MYO9B: variants seen among roughly 807,000 people sequenced by gnomAD.
MYO9B encodes myosin IXB, also known as unconventional myosin-IXb.
In MYO9B, 71 loss-of-function variants were observed where a neutral mutation model predicts 229.5. That is an observed-to-expected ratio of 0.31 (90% confidence interval 0.26 to 0.38). MYO9B has a LOEUF of 0.38. MYO9B is among the 10% of genes least tolerant of loss of function. The pLI is 1.00. For synonymous variants in MYO9B, 1,185 were observed against 1,235.8 expected, an observed-to-expected ratio of 0.96 and a Z score of 0.86; for missense variants, 2,255 against 2,920.5, an observed-to-expected ratio of 0.77 and a Z score of 5.25.
intron 2 of MYO9B, among the ~76,000 whole-genome samples, chr19:17,108,857 G>T (rs569469799): frequency 1.3e-3 from 197 of 151,372 alleles, no homozygotes; most frequent in African/African-American, 4.6e-3. Context: ...GGGACTACAG[G>T]CGCCCACCAC....
intron 39 of MYO9B, 54 bp downstream of exon 39, chr19:17,211,828 C>T (rs902437309): frequency 3.1e-6 from 5 of 1,610,612 alleles, no homozygotes; most frequent in Non-Finnish European, 4.2e-6. Context: ...CCAGCAGGCC[C>T]CAGGGCGAGG....
At chr19:17,178,028 C>T (rs537065517) in intron 14 of MYO9B, 1 of 152,474 alleles carries the variant, frequency 6.6e-6, no homozygotes, top group African/African-American at 2.4e-5. Context: ...AAGGGCCACT[C>T]CTGCCAGATT....
Position 17,206,292 on chromosome 19 carries a change from A to G in MYO9B, c.5302A>G (p.Thr1768Ala), listed in dbSNP as rs1485704864. The G allele has an allele frequency of 1.9e-6, 3 of 1,543,686 alleles. No individual in the cohort carries two copies. The highest frequency in any genetic ancestry group is 2.6e-6 in the Non-Finnish European group (3 of 1,148,040). Residue 1768 changes from threonine (T) to alanine (A), a missense_variant, in exon 33 of 40, where the codon ACA becomes GCA. Thr to Ala is a moderately conservative substitution (Grantham distance 58, BLOSUM62 0). Coordinates refer to ENST00000682292, the MANE Select transcript of MYO9B (RefSeq NM_004145.4). ...GGAGAACTTCCCCATCCACGCCATCACAGGGGTGCTGAAGCAGTGGCTGCG... is the reference window on the plus strand; with the variant it reads ...GGAGAACTTCCCCATCCACGCCATCGCAGGGGTGCTGAAGCAGTGGCTGCG... ...KLENFPIHAI[T>A]GVLKQWLREL...
chr19:17,203,071 T>C (rs2073125687), intron 29 of MYO9B, 76 bp from the exon 30 acceptor site: 1 of 1,393,670 alleles, frequency 7.2e-7, no homozygotes, highest in Non-Finnish European at 9.9e-7. Flanking sequence ...TGAGATCCCA[T>C]GGGTCGTCAT....
At chr19:17,194,063 T>A (rs147884047) in intron 21 of MYO9B, among the ~76,000 whole-genome samples, 2,038 of 151,924 alleles carry the variant, frequency 0.013, 38 homozygotes, top group African/African-American at 0.046. Context: ...TCTCAGTTAC[T>A]AGGGAGGCTG....
At chr19:17,140,178 G>A (rs916728670) in intron 2 of MYO9B, among the ~76,000 whole-genome samples, 6 of 152,176 alleles carry the variant, frequency 3.9e-5, no homozygotes, top group East Asian at 1.9e-4. Flanking sequence ...GTGGTCCATC[G>A]TTGATGGTCA....
intron 14 of MYO9B, among the ~76,000 whole-genome samples, chr19:17,179,026 G>GT (rs1336411675): frequency 8.3e-6 from 1 of 120,260 alleles, no homozygotes; most frequent in Non-Finnish European, 1.7e-5. Flanking sequence ...GCAAGACTCT[G>GT]TAAAAAAAAA....
At chr19:17,107,244 C>A (rs868505048) in intron 2 of MYO9B, among the ~76,000 whole-genome samples, 3 of 151,780 alleles carry the variant, frequency 2.0e-5, no homozygotes, top group Non-Finnish European at 4.4e-5. Context: ...AAAAAAATAA[C>A]AAAAAAAATT....
rs778677727 is a variant in MYO9B, at chr19:17,181,083, C to T, written c.2333+43C>T. 4 of 1,394,102 alleles carry T rather than the reference C, an allele frequency of 2.9e-6. No homozygotes were observed. The East Asian group carries it at 9.2e-5, about 32-fold the overall frequency. The allele number at this position is 1,394,102 out of a possible 1,614,324, so 86.4% of individuals were successfully genotyped here. On this transcript the variant is annotated intron_variant, in intron 15 of 39. Transcript: ENST00000682292. ...GCCCTGCTTACAAGTGCGACAACCGCCTCCCACTACTCCTGCGACCCCGGC... is the reference window on the plus strand; with the variant it reads ...GCCCTGCTTACAAGTGCGACAACCGTCTCCCACTACTCCTGCGACCCCGGC...
chr19:17,121,334 C>A (rs1023776498), intron 2 of MYO9B, among the ~76,000 whole-genome samples: 4 of 152,072 alleles, frequency 2.6e-5, no homozygotes, highest in African/African-American at 9.7e-5. Context: ...AGCAGTGGTC[C>A]CACACTGGGG....
At chr19:17,143,064 C>T (rs1386118551) in intron 2 of MYO9B, among the ~76,000 whole-genome samples, 1 of 152,078 alleles carries the variant, frequency 6.6e-6, no homozygotes, top group African/African-American at 2.4e-5. Flanking sequence ...CATGGGAAAA[C>T]CCCGTCTCTA....
At position 17,198,200 on chromosome 19, in the gene MYO9B, C is replaced by T. The variant is rs1321255648; in HGVS notation, c.4130C>T (p.Thr1377Met). The stretch of plus-strand genomic sequence containing the variant: ...GTCTTGCAGCCTGCAGCAGAAACCA[C>T]GGACGGAGAGCGAAGTGCGAAAAAG... Reference protein sequence around the residue: ...LAKAQPAAETTDGERSAKKPA... With the variant: ...LAKAQPAAETMDGERSAKKPA... Residue 1377 changes from threonine to methionine, a missense_variant, in exon 24 of 40, where the codon ACG (threonine) becomes ATG (methionine). By Grantham distance (81) the Thr-to-Met change is moderately conservative. Coordinates refer to ENST00000682292, the MANE Select transcript of MYO9B (RefSeq NM_004145.4). 5.0e-6 allele frequency: 8 copies of T among 1,613,826 alleles called. No homozygotes were observed. The highest frequency in any genetic ancestry group is 2.2e-5 in the South Asian group (2 of 91,078).
chr19:17,194,298 C>T (rs2073016980), intron 21 of MYO9B, among the ~76,000 whole-genome samples: 1 of 152,204 alleles, frequency 6.6e-6, no homozygotes. Flanking sequence ...CCCACCACAG[C>T]CCCAACAAGG....
At chr19:17,128,572 T>C (rs2072154062) in intron 2 of MYO9B, among the ~76,000 whole-genome samples, 1 of 152,194 alleles carries the variant, frequency 6.6e-6, no homozygotes. Context: ...AGGGCTCCTG[T>C]GTCCATGAGG....
chr19:17,092,385 T>A (rs2057646227), intron 1 of MYO9B, among the ~76,000 whole-genome samples: 1 of 152,236 alleles, frequency 6.6e-6, no homozygotes, highest in South Asian at 2.1e-4. Context: ...TATGTAGGCA[T>A]GAACATGTGG....
chr19:17,211,945 C>T lies in MYO9B; in HGVS notation c.6109C>T (p.Leu2037Phe), dbSNP rs759076303. The change falls in exon 40 of 40, where the codon CTC (leucine) becomes TTC (phenylalanine). Residue 2037 changes from leucine (L) to phenylalanine (F), a missense_variant. By Grantham distance (22) the Leu-to-Phe change is conservative (BLOSUM62 0). Around this residue, in one of 7 missense-constraint regions of MYO9B, gnomAD observed 331 missense variants for 332.5 expected, o/e 1.00. Coordinates refer to ENST00000682292, the MANE Select transcript of MYO9B (RefSeq NM_004145.4). Reference protein sequence around the residue: ...PCPGAPTPSPLPTVAAPPRRR... With the variant: ...PCPGAPTPSPFPTVAAPPRRR... ...CCCCGGCGCGCCCACCCCGAGCCCC[C>T]TCCCCACCGTGGCCGCCCCTCCACG... The T allele has an allele frequency of 3.8e-6, 6 of 1,559,304 alleles. No individual in the cohort carries two copies. In the African/African-American group the frequency reaches 8.2e-5, roughly 21 times the overall value.
At chr19:17,126,627 T>C (rs149965009) in intron 2 of MYO9B, among the ~76,000 whole-genome samples, 150 of 151,956 alleles carry the variant, frequency 9.9e-4, no homozygotes, top group African/African-American at 3.5e-3. Flanking sequence ...GAATTTCACA[T>C]CAATTTCAGC....
At chr19:17,194,475 C>G in intron 21 of MYO9B, 81 bp from the exon 22 acceptor site, 1 of 1,503,258 alleles carries the variant, frequency 6.7e-7, no homozygotes, top group African/African-American at 1.4e-5. Flanking sequence ...AGCCCGCAGG[C>G]TGGGGGTCCC....
At chr19:17,145,525 C>T (rs1330470343) in intron 3 of MYO9B, 34 bp downstream of exon 3, 1 of 1,563,968 alleles carries the variant, frequency 6.4e-7, no homozygotes, top group Non-Finnish European at 8.8e-7. Context: ...CTGGTGGGAG[C>T]TGGCCCCACG....
Sources: allele counts gnomAD v4.1 joint callset (sites outside exome capture counted in the v4.1 genomes callset), GRCh38; gene constraint gnomAD v4.1.1; regional missense constraint gnomAD v4.1.1; transcripts MANE v1.5; gene names NCBI Gene and HGNC (gene_info 2026-07-23, HGNC 2026-07-21).